The following TEAD1 variants were observed in gnomAD, a reference collection of about 807,000 sequenced individuals.
TEAD1 encodes the protein TEA domain transcription factor 1, also known as transcriptional enhancer factor TEF-1.
Under a neutral mutation model 54.9 loss-of-function variants are expected in TEAD1, and 9 were observed. The ratio of observed to expected loss-of-function variants is 0.16; its 90% CI spans 0.10 to 0.29. The LOEUF (loss-of-function observed/expected upper bound fraction) is 0.29, where lower values mean the gene tolerates loss of function less well. Ranked by LOEUF, TEAD1 falls within the 10% of genes least tolerant of loss-of-function variation. The probability of loss-of-function intolerance (pLI) is 1.00; values close to 1 mark genes in which losing one functional copy is unlikely to be tolerated. For missense variants in TEAD1, 387 were observed against 535.9 expected (o/e 0.72, Z 2.74); for synonymous variants, 200 against 187.8 (o/e 1.07, Z -0.53).
intron 3 of TEAD1, among the ~76,000 whole-genome samples, chr11:12,815,812 C>A (rs936401004): frequency 2.0e-5 from 3 of 152,128 alleles, no homozygotes; most frequent in Admixed American, 1.3e-4. Flanking sequence ...GAGCAGGTGT[C>A]GGCCACACCA....
intron 2 of TEAD1, among the ~76,000 whole-genome samples, chr11:12,746,100 A>G (rs561849324): frequency 2.0e-5 from 3 of 152,328 alleles, no homozygotes; most frequent in South Asian, 2.1e-4. Flanking sequence ...ATACCCTCCT[A>G]ACTCCCTACA....
In TEAD1 at chr11:12,901,856, C is replaced by T. The variant is rs930712193; in HGVS notation, c.700-84C>T. On this transcript the variant is annotated intron_variant, in intron 9 of 12. Transcript: ENST00000527636. ...GCCTAATTCCAGAATTTTGGTACTA[C>T]TGCTCTTTATCCAGTTCAAGATGGA... 14 of 1,562,562 alleles carry T rather than the reference C, an allele frequency of 9.0e-6. No individual in the cohort carries two copies. The East Asian group carries it at 2.9e-4, about 33-fold the overall frequency.
chr11:12,766,840 GT>G (rs34471751), intron 3 of TEAD1, among the ~76,000 whole-genome samples: 4 of 152,196 alleles, frequency 2.6e-5, no homozygotes, highest in Admixed American at 6.5e-5. Flanking sequence ...CTGGTTGTGG[GT>G]TTTTCAGCAA....
chr11:12,829,302 G>A (rs1946723609), intron 3 of TEAD1, among the ~76,000 whole-genome samples: 1 of 152,158 alleles, frequency 6.6e-6, no homozygotes, highest in Non-Finnish European at 1.5e-5. Context: ...GAGAATGAAT[G>A]AACAAATGAC....
At chr11:12,773,987 T>G (rs913038706) in intron 3 of TEAD1, among the ~76,000 whole-genome samples, 4 of 152,218 alleles carry the variant, frequency 2.6e-5, no homozygotes, top group African/African-American at 9.7e-5. Context: ...ATTCTGTGAT[T>G]TTCTTTACAA....
chr11:12,784,992 C>T (rs750674833), intron 3 of TEAD1, among the ~76,000 whole-genome samples: 7 of 152,190 alleles, frequency 4.6e-5, no homozygotes, highest in African/African-American at 1.2e-4. Context: ...GTGGAGAAGA[C>T]TGGAGAAAAC....
At chr11:12,786,332 C>T (rs571144886) in intron 3 of TEAD1, among the ~76,000 whole-genome samples, 38 of 152,074 alleles carry the variant, frequency 2.5e-4, no homozygotes, top group Non-Finnish European at 5.1e-4. Flanking sequence ...ATGACAAAGG[C>T]CAGAGGAGAG....
intron 2 of TEAD1, among the ~76,000 whole-genome samples, chr11:12,715,888 TC>T (rs936279531): frequency 1.3e-5 from 2 of 152,100 alleles, no homozygotes; most frequent in African/African-American, 4.8e-5. Context: ...CAATCTCACC[TC>T]TAGGGGTTCC....
At chr11:12,809,669 T>G (rs1292676107) in intron 3 of TEAD1, among the ~76,000 whole-genome samples, 1 of 152,210 alleles carries the variant, frequency 6.6e-6, no homozygotes, top group African/African-American at 2.4e-5. Flanking sequence ...ATGACAGTGC[T>G]GCCCCTCAAG....
chr11:12,695,928 G>T (rs1324826497), intron 2 of TEAD1, among the ~76,000 whole-genome samples: 1 of 152,124 alleles, frequency 6.6e-6, no homozygotes, highest in Admixed American at 6.5e-5. Flanking sequence ...CCCCTTTCAG[G>T]TGAGATTCCT....
At chr11:12,780,501 C>T (rs575311119) in intron 3 of TEAD1, among the ~76,000 whole-genome samples, 12 of 152,084 alleles carry the variant, frequency 7.9e-5, no homozygotes, top group Non-Finnish European at 1.8e-4. Context: ...GCCTCGGTCT[C>T]CCAAAGTGCC....
intron 3 of TEAD1, among the ~76,000 whole-genome samples, chr11:12,826,113 G>C (rs1447520653): frequency 6.6e-6 from 1 of 152,218 alleles, no homozygotes; most frequent in South Asian, 2.1e-4. Flanking sequence ...GTTAGGCAAA[G>C]AGTTCTTAGA....
intron 12 of TEAD1, among the ~76,000 whole-genome samples, chr11:12,933,916 G>C (rs1028405942): frequency 6.6e-6 from 1 of 152,146 alleles, no homozygotes; most frequent in Admixed American, 6.5e-5. Flanking sequence ...GGAGAAATAG[G>C]AACACTTTTA....
At chr11:12,712,382 A>G (rs768907709) in intron 2 of TEAD1, among the ~76,000 whole-genome samples, 4 of 152,134 alleles carry the variant, frequency 2.6e-5, no homozygotes, top group Non-Finnish European at 2.9e-5. Flanking sequence ...ATGTGCACCT[A>G]CACAGCTTCA....
intron 2 of TEAD1, among the ~76,000 whole-genome samples, chr11:12,735,359 G>A (rs542828150): frequency 2.0e-5 from 3 of 152,208 alleles, no homozygotes; most frequent in African/African-American, 7.2e-5. Context: ...ATTCGAGAAG[G>A]GCAAGGAAGA....
At chr11:12,760,252 T>C (rs1945073599) in intron 2 of TEAD1, among the ~76,000 whole-genome samples, 1 of 152,248 alleles carries the variant, frequency 6.6e-6, no homozygotes, top group Non-Finnish European at 1.5e-5. Flanking sequence ...TCTTACTAAA[T>C]CTTTATGGCA....
intron 2 of TEAD1, among the ~76,000 whole-genome samples, chr11:12,762,719 A>C (rs1299023035): frequency 6.6e-6 from 1 of 152,194 alleles, no homozygotes; most frequent in Non-Finnish European, 1.5e-5. Flanking sequence ...CATTAATTAT[A>C]TAATATTCAT....
intron 10 of TEAD1, among the ~76,000 whole-genome samples, chr11:12,908,699 G>T (rs1316726294): frequency 2.0e-5 from 3 of 152,002 alleles, no homozygotes; most frequent in African/African-American, 7.3e-5. Context: ...GATTATGAAG[G>T]TATAACATTC....
intron 9 of TEAD1, among the ~76,000 whole-genome samples, chr11:12,887,090 T>G (rs1420368765): frequency 6.0e-5 from 1 of 16,716 alleles, no homozygotes; most frequent in Non-Finnish European, 1.5e-4. Flanking sequence ...TGTTTTTTTT[T>G]TTGTTTGTTT....
Sources: allele counts gnomAD v4.1 joint callset (sites outside exome capture counted in the v4.1 genomes callset), GRCh38; gene constraint gnomAD v4.1.1; transcripts MANE v1.5; gene names NCBI Gene and HGNC (gene_info 2026-07-23, HGNC 2026-07-21).